Variants in LDB3 observed in about 807,000 individuals in gnomAD.
The protein encoded by LDB3 is LIM domain binding 3, also known as LIM domain-binding protein 3.
Under a neutral mutation model 69.0 loss-of-function variants are expected in LDB3, and 49 were observed. The ratio of observed to expected loss-of-function variants is 0.71; its 90% confidence interval spans 0.56 to 0.90. The LOEUF (loss-of-function observed/expected upper bound fraction) is 0.90, where lower values mean the gene tolerates loss of function less well. Ranked by LOEUF, LDB3 falls within the 40% of genes least tolerant of loss-of-function variation. The pLI is 0.00. For synonymous variants in LDB3, 387 were observed against 396.2 expected (o/e 0.98, Z 0.28); for missense variants, 928 against 974.1 (o/e 0.95, Z 0.63).
At chr10:86,689,420 A>G (rs537844369) in intron 5 of LDB3, among the ~76,000 whole-genome samples, 1 of 152,310 alleles carries the variant, frequency 6.6e-6, no homozygotes, top group East Asian at 1.9e-4. Flanking sequence ...TGTCAGCCAA[A>G]CGACATCCCT....
intron 5 of LDB3, among the ~76,000 whole-genome samples, chr10:86,691,313 CCT>C (rs1375661631): frequency 6.6e-6 from 1 of 152,206 alleles, no homozygotes; most frequent in Non-Finnish European, 1.5e-5. Context: ...CCAGAAATCC[CCT>C]GTCCCTACAG....
chr10:86,672,952 A>G (rs1396734163), intron 2 of LDB3, among the ~76,000 whole-genome samples: 1 of 152,170 alleles, frequency 6.6e-6, no homozygotes, highest in Non-Finnish European at 1.5e-5. Flanking sequence ...GCTGGGGGCT[A>G]GCTCCCCAAT....
intron 7 of LDB3, 118 bp downstream of exon 7, chr10:86,692,689 T>C (rs1845824324): frequency 1.0e-6 from 1 of 974,288 alleles, no homozygotes; most frequent in Non-Finnish European, 1.7e-6. Context: ...TTGGAAAGCC[T>C]GGCCTGCAAA....
At chr10:86,685,203 A>G (rs774028144) in intron 5 of LDB3, among the ~76,000 whole-genome samples, 8 of 152,186 alleles carry the variant, frequency 5.3e-5, no homozygotes, top group Non-Finnish European at 1.0e-4. Context: ...ATGCCTGCTC[A>G]GGACAGAATT....
Position 86,668,571 on chromosome 10 carries a change from G to T in LDB3, c.-24+1G>T, listed in dbSNP as rs1589598453. 1 of 818,820 alleles carries T rather than the reference G, an allele frequency of 1.2e-6. No individual in the cohort carries two copies. 50.7% of individuals were successfully genotyped at this position (818,820 alleles called of 1,614,324 possible). ...GGCTGGGCAGCAAGGGACAGAACAG[G>T]CAAGGCTGGGGGTCAGGGGCAGGGG... is the stretch of plus-strand genomic sequence containing the variant. On this transcript the variant is annotated splice_donor_variant, in intron 1 of 13. Coordinates refer to ENST00000361373, the MANE Select transcript of LDB3 (RefSeq NM_007078.3). LOFTEE classifies it low-confidence loss of function (5UTR_SPLICE).
chr10:86,712,630 A>G (rs1846710740), intron 9 of LDB3, among the ~76,000 whole-genome samples: 1 of 152,234 alleles, frequency 6.6e-6, no homozygotes. Context: ...TAAGGCACGT[A>G]AAGGGCCTGG....
At chr10:86,687,623 A>T (rs77490404) in intron 5 of LDB3, among the ~76,000 whole-genome samples, 7,653 of 152,322 alleles carry the variant, frequency 0.05, 245 homozygotes, top group African/African-American at 0.09. Context: ...GGCCTCTCAC[A>T]GCGAAGCTGT....
intron 10 of LDB3, among the ~76,000 whole-genome samples, chr10:86,717,467 G>C (rs1846920419): frequency 6.6e-6 from 1 of 152,158 alleles, no homozygotes; most frequent in Admixed American, 6.5e-5. Flanking sequence ...TTTGTATCCT[G>C]GTCTACCACT....
chr10:86,708,281 G>A (rs1041658399), intron 8 of LDB3, among the ~76,000 whole-genome samples: 3 of 152,230 alleles, frequency 2.0e-5, no homozygotes, highest in African/African-American at 7.2e-5. Flanking sequence ...GAGCAGAAGG[G>A]GTCACGGGTT....
chr10:86,732,975 A>G lies in LDB3; in HGVS notation c.2183A>G (p.Ter728TrpextTer62). ...CKKHAHTINL[*>W] is the part of the protein sequence containing the mutation. ...AAGCACGCACACACCATCAACTTGT[A>G]GGCGGCCAAGGCCGCCTGTGCTGAC... is the stretch of plus-strand genomic sequence containing the variant. Residue 728 changes from the stop codon to tryptophan, a stop_lost, in exon 14 of 14, where the codon TAG becomes TGG. Coordinates refer to ENST00000361373, the MANE Select transcript of LDB3 (RefSeq NM_007078.3). 6.2e-7 allele frequency: 1 copy of G among 1,611,586 alleles called. No individual in the cohort carries two copies. Among genetic ancestry groups the G allele is most frequent in the Non-Finnish European group, 8.5e-7 (1 of 1,178,380 alleles).
chr10:86,679,596 C>G, intron 3 of LDB3, 78 bp downstream of exon 3: 1 of 1,519,126 alleles, frequency 6.6e-7, no homozygotes, highest in Non-Finnish European at 9.1e-7. Context: ...GGGATTGTCC[C>G]ATAGCAATTG....
chr10:86,693,839 C>T (rs955859364), intron 7 of LDB3, among the ~76,000 whole-genome samples: 1 of 152,212 alleles, frequency 6.6e-6, no homozygotes, highest in Non-Finnish European at 1.5e-5. Context: ...TAGAAGCCAC[C>T]CATGTAGCTG....
intron 7 of LDB3, among the ~76,000 whole-genome samples, chr10:86,702,323 A>G (rs1846291215): frequency 6.6e-6 from 1 of 152,128 alleles, no homozygotes; most frequent in Non-Finnish European, 1.5e-5. Context: ...ACCCAGCATC[A>G]CCACCACCAT....
intron 3 of LDB3, 66 bp downstream of exon 3, chr10:86,679,584 G>A (rs1013275733): frequency 8.9e-6 from 14 of 1,566,148 alleles, no homozygotes; most frequent in African/African-American, 5.4e-5. Flanking sequence ...GGGGCCAAAA[G>A]AGGGATTGTC....
chr10:86,707,752 C>A (rs1423769052), intron 8 of LDB3, among the ~76,000 whole-genome samples: 9 of 152,184 alleles, frequency 5.9e-5, no homozygotes, highest in Admixed American at 5.9e-4. Flanking sequence ...CTGTCTGCTG[C>A]CCCCATCCCG....
intron 7 of LDB3, among the ~76,000 whole-genome samples, chr10:86,698,136 C>G (rs1021992082): frequency 1.3e-5 from 2 of 152,194 alleles, no homozygotes; most frequent in African/African-American, 4.8e-5. Context: ...GATCTGTCCT[C>G]CATTTCTATA....
At chr10:86,716,089 T>A (rs773461376) in intron 9 of LDB3, among the ~76,000 whole-genome samples, 23 of 151,978 alleles carry the variant, frequency 1.5e-4, no homozygotes, top group Admixed American at 6.6e-5. Flanking sequence ...TATAGCCATG[T>A]CCCTTTTCCA....
At chr10:86,686,656 A>G (rs79745583) in intron 5 of LDB3, among the ~76,000 whole-genome samples, 1 of 134,082 alleles carries the variant, frequency 7.5e-6, no homozygotes, top group Non-Finnish European at 1.5e-5. Flanking sequence ...GTCTTTACAG[A>G]AAAAAAAAAA....
rs777457041 is a variant in LDB3 at position 86,699,421 on chromosome 10, T to C, written c.896+6850T>C. Reference sequence around the variant, plus strand: ...ACCCCAACAGGCTGGACTCCCTCCATCCTTACCCCCACACAGATCTGGCAT... The same window carrying C: ...ACCCCAACAGGCTGGACTCCCTCCACCCTTACCCCCACACAGATCTGGCAT... On this transcript the variant is annotated intron_variant, in intron 7 of 13. Coordinates refer to ENST00000361373, the MANE Select transcript of LDB3 (RefSeq NM_007078.3). This position sits in a 1 kb window ranked among gnomAD's most constrained non-coding sequence, Gnocchi z 4.9. The C allele has an allele frequency of 6.2e-7, 1 of 1,611,786 alleles. No individual in the cohort carries two copies. Among genetic ancestry groups the C allele is most frequent in the Non-Finnish European group, 8.5e-7 (1 of 1,179,146 alleles).
Sources: gnomAD v4.1 joint callset for allele counts (sites outside exome capture counted in the v4.1 genomes callset) on GRCh38, gnomAD v4.1.1 for gene constraint, Gnocchi (gnomAD v3.1) non-coding constraint, MANE v1.5 for transcripts, NCBI Gene and HGNC (gene_info 2026-07-23, HGNC 2026-07-21) for gene names.